The following MACROD2 variants were observed in gnomAD, a reference collection of about 807,000 sequenced individuals.
The protein encoded by MACROD2 is ADP-ribose glycohydrolase MACROD2.
In MACROD2, 36 loss-of-function variants were observed where a neutral mutation model predicts 70.4. The observed-to-expected ratio is 0.51, with a 90% CI of 0.39 to 0.68. The LOEUF (loss-of-function observed/expected upper bound fraction) is 0.68, where lower values mean the gene tolerates loss of function less well. Among genes scored for constraint, MACROD2 ranks in the 30% least tolerant of loss-of-function variants. The probability of loss-of-function intolerance (pLI) is 0.00; values close to 1 mark genes in which losing one functional copy is unlikely to be tolerated. For missense variants in MACROD2, 496 were observed against 538.4 expected (o/e 0.92, Z 0.78); for synonymous variants, 172 against 178.8 (o/e 0.96, Z 0.30).
intron 10 of MACROD2, among the ~76,000 whole-genome samples, chr20:15,898,549 TAAAAAAAAAAA>T (rs10678216): frequency 4.2e-5 from 4 of 94,530 alleles, no homozygotes; most frequent in Admixed American, 1.3e-4. Flanking sequence ...AGACTCAGTC[TAAAAAAAAAAA>T]AAAAAAAAAA....
intron 15 of MACROD2, among the ~76,000 whole-genome samples, chr20:16,035,737 G>C (rs1250202413): frequency 1.3e-5 from 2 of 151,374 alleles, no homozygotes; most frequent in African/African-American, 4.9e-5. Flanking sequence ...TTTGCTCATG[G>C]ATATTAGGAT....
intron 5 of MACROD2, chr20:14,850,000 TTAAG>T: frequency 1.9e-6 from 1 of 517,794 alleles, no homozygotes; most frequent in Non-Finnish European, 3.9e-6. Flanking sequence ...CTACCAAAGA[TTAAG>T]TATGTTTCTC....
At chr20:14,539,158 CTG>C (rs1388085604) in intron 4 of MACROD2, among the ~76,000 whole-genome samples, 1 of 152,178 alleles carries the variant, frequency 6.6e-6, no homozygotes, top group Non-Finnish European at 1.5e-5. Flanking sequence ...TTATGTGACT[CTG>C]TTCAAAATTA....
intron 5 of MACROD2, among the ~76,000 whole-genome samples, chr20:14,689,411 T>C (rs2071037569): frequency 6.6e-6 from 1 of 152,220 alleles, no homozygotes; most frequent in Non-Finnish European, 1.5e-5. Flanking sequence ...GCTTAAAAAA[T>C]GTGTGATATA....
At chr20:15,614,163 G>A (rs530421640) in intron 8 of MACROD2, among the ~76,000 whole-genome samples, 17 of 152,272 alleles carry the variant, frequency 1.1e-4, no homozygotes, top group Admixed American at 5.2e-4. Flanking sequence ...TATTCTGTTG[G>A]AAGAAAAGAA....
intron 7 of MACROD2, among the ~76,000 whole-genome samples, chr20:15,472,575 A>T (rs1441690340): frequency 2.0e-5 from 3 of 152,094 alleles, no homozygotes. Context: ...CCCGTTGCTC[A>T]TAACTATTTC....
chr20:14,050,079 T>G (rs1022103655), intron 2 of MACROD2, among the ~76,000 whole-genome samples: 4 of 110,736 alleles, frequency 3.6e-5, no homozygotes, highest in Non-Finnish European at 5.6e-5. Flanking sequence ...AGAGTGAAAC[T>G]CCCATCTCAA....
At chr20:13,999,565 A>G (rs2052705801) in intron 1 of MACROD2, among the ~76,000 whole-genome samples, 1 of 152,186 alleles carries the variant, frequency 6.6e-6, no homozygotes, top group Admixed American at 6.5e-5. Flanking sequence ...TTTGAATACC[A>G]GTTGCCTGGG....
At chr20:15,708,984 C>T (rs2050582140) in intron 8 of MACROD2, among the ~76,000 whole-genome samples, 1 of 152,168 alleles carries the variant, frequency 6.6e-6, no homozygotes, top group Admixed American at 6.5e-5. Flanking sequence ...TATGACTGCA[C>T]TCCAACCCGG....
chr20:14,232,308 G>A lies in MACROD2; in HGVS notation c.271+146580G>A, dbSNP rs540957676. On this transcript the variant is annotated intron_variant, in intron 3 of 17. Coordinates refer to ENST00000684519, the MANE Select transcript of MACROD2 (RefSeq NM_001351661.2). Reference sequence around the variant, plus strand: ...CAAGCTGCTGTAGCTCTTAACAAGAGAGTTAGCCTGTCTTTTGACTCTTCG... The same window carrying A: ...CAAGCTGCTGTAGCTCTTAACAAGAAAGTTAGCCTGTCTTTTGACTCTTCG... Among the ~76,000 whole-genome samples the A allele has an allele frequency of 1.2e-4, 18 of 152,334 alleles. No homozygotes were observed. The South Asian group carries it at 3.5e-3, about 30-fold the overall frequency.
chr20:14,443,077 T>C (rs1340339842), intron 3 of MACROD2, among the ~76,000 whole-genome samples: 2 of 149,106 alleles, frequency 1.3e-5, no homozygotes, highest in African/African-American at 2.5e-5. Flanking sequence ...AGACTCTGTC[T>C]CAAGAAAAAA....
intron 8 of MACROD2, among the ~76,000 whole-genome samples, chr20:15,708,837 C>A (rs929842654): frequency 1.3e-5 from 2 of 151,964 alleles, no homozygotes; most frequent in Non-Finnish European, 2.9e-5. Flanking sequence ...CCAGCCTGGG[C>A]AAAATAGCAA....
chr20:15,491,694 T>A (rs1023472538), intron 7 of MACROD2, among the ~76,000 whole-genome samples: 1 of 152,192 alleles, frequency 6.6e-6, no homozygotes, highest in Non-Finnish European at 1.5e-5. Flanking sequence ...AAGAATGTTT[T>A]GGGGGTGCCT....
intron 8 of MACROD2, among the ~76,000 whole-genome samples, chr20:15,538,484 G>C (rs1390677499): frequency 4.6e-5 from 7 of 152,184 alleles, no homozygotes; most frequent in African/African-American, 1.7e-4. Context: ...AAAAGGTGGA[G>C]AGCTCAAGTT....
intron 3 of MACROD2, among the ~76,000 whole-genome samples, chr20:14,199,102 C>G (rs1320437873): frequency 1.3e-5 from 2 of 151,974 alleles, no homozygotes; most frequent in Admixed American, 1.3e-4. Flanking sequence ...GGTACTAAAG[C>G]TTATCTTCAG....
chr20:14,430,447 A>T (rs893388038), intron 3 of MACROD2, among the ~76,000 whole-genome samples: 4 of 152,182 alleles, frequency 2.6e-5, no homozygotes. Context: ...TAAATGCTAC[A>T]TTTAGCAATC....
chr20:14,218,729 G>A (rs766887210), intron 3 of MACROD2, among the ~76,000 whole-genome samples: 3 of 152,178 alleles, frequency 2.0e-5, no homozygotes, highest in Admixed American at 2.0e-4. Context: ...TGGTGGCTTG[G>A]TAATGGCAAA....
intron 3 of MACROD2, among the ~76,000 whole-genome samples, chr20:14,421,060 A>G (rs920494323): frequency 6.6e-6 from 1 of 152,244 alleles, no homozygotes; most frequent in Non-Finnish European, 1.5e-5. Context: ...AAATTTATCA[A>G]AACACGCTTG....
chr20:15,562,864 GA>G (rs2048262967), intron 8 of MACROD2, among the ~76,000 whole-genome samples: 1 of 152,204 alleles, frequency 6.6e-6, no homozygotes, highest in African/African-American at 2.4e-5. Flanking sequence ...ATGATCCTTA[GA>G]AAGGAGATAG....
Sources: gnomAD v4.1 joint callset for allele counts (sites outside exome capture counted in the v4.1 genomes callset) on GRCh38, gnomAD v4.1.1 for gene constraint, MANE v1.5 for transcripts, NCBI Gene and HGNC (gene_info 2026-07-23, HGNC 2026-07-21) for gene names.